Variants in CFAP47 observed in about 807,000 individuals in gnomAD.
CFAP47 encodes the protein cilia- and flagella-associated protein 47.
Under a neutral mutation model 148.1 loss-of-function variants are expected in CFAP47, and 29 were observed. That is an observed-to-expected ratio of 0.20 (90% CI 0.15 to 0.27). The LOEUF (loss-of-function observed/expected upper bound fraction) is 0.27, where lower values mean the gene tolerates loss of function less well. CFAP47 is among the 10% of genes least tolerant of loss of function. CFAP47 has a pLI of 1.00. For synonymous variants in CFAP47, 664 were observed against 577.3 expected, an observed-to-expected ratio of 1.15 and a Z score of -2.15; for missense variants, 1,872 against 1,697.5, an observed-to-expected ratio of 1.10 and a Z score of -1.81.
intron 27 of CFAP47, among the ~76,000 whole-genome samples, chrX:36,068,100 T>C (rs1259734691): frequency 8.9e-6 from 1 of 112,373 alleles, no homozygotes; most frequent in Non-Finnish European, 1.9e-5. Context: ...TTTTTCCCTT[T>C]ATGCTCAAGC....
intron 46 of CFAP47, among the ~76,000 whole-genome samples, chrX:36,235,259 G>A (rs182264084): frequency 0.044 from 4,883 of 111,832 alleles, 307 homozygotes; most frequent in African/African-American, 0.15. Context: ...CTTGAGCTGC[G>A]GTGGGCTCCA....
intron 45 of CFAP47, among the ~76,000 whole-genome samples, chrX:36,222,215 C>T (rs1411040519): frequency 7.2e-5 from 8 of 111,677 alleles, no homozygotes; most frequent in South Asian, 3.7e-4. Flanking sequence ...GAGGTTGGTC[C>T]GGCAGAAAGG....
intron 45 of CFAP47, among the ~76,000 whole-genome samples, chrX:36,215,141 C>T (rs954981440): frequency 9.0e-6 from 1 of 111,179 alleles, no homozygotes; most frequent in Non-Finnish European, 1.9e-5. Flanking sequence ...TTCTTCATCT[C>T]CATTATAATC....
At chrX:36,271,080 G>A (rs1157716744) in intron 49 of CFAP47, among the ~76,000 whole-genome samples, 1 of 110,908 alleles carries the variant, frequency 9.0e-6, no homozygotes, top group Non-Finnish European at 1.9e-5. Flanking sequence ...TAAAATGAAG[G>A]GTGGAAAAAA....
intron 33 of CFAP47, among the ~76,000 whole-genome samples, chrX:36,121,656 A>G (rs192573903): frequency 9.0e-6 from 1 of 111,410 alleles, no homozygotes; most frequent in Non-Finnish European, 1.9e-5. Context: ...GAAAGCCCTT[A>G]AGAACTCTAT....
intron 39 of CFAP47, among the ~76,000 whole-genome samples, chrX:36,171,769 T>A (rs766783904): frequency 8.0e-5 from 9 of 111,845 alleles, no homozygotes; most frequent in African/African-American, 2.6e-4. Flanking sequence ...CAGGATTGAC[T>A]TGGCGATGCG....
In CFAP47 at chrX:36,131,660, A is replaced by G. The variant is rs189897534; in HGVS notation, c.5321-6298A>G. On this transcript the variant is annotated intron_variant, in intron 33 of 63. Coordinates refer to ENST00000378653, the MANE Select transcript of CFAP47 (RefSeq NM_001304548.2). ...TGGTATATTCCCAAAGTGGAATGTT[A>G]TTCAGCAATAAAAAGAAATGAAATA... is the stretch of plus-strand genomic sequence containing the variant. Among the ~76,000 whole-genome samples, 4 of 112,008 alleles carry G rather than the reference A, an allele frequency of 3.6e-5. No homozygotes were observed. In the East Asian group the frequency reaches 8.4e-4, roughly 24 times the overall value.
At chrX:36,189,303 A>C (rs6629051) in intron 41 of CFAP47, among the ~76,000 whole-genome samples, 11,190 of 110,558 alleles carry the variant, frequency 0.1, 561 homozygotes, top group East Asian at 0.26. Flanking sequence ...TTCTTCACTC[A>C]CATGTCTGGC....
At chrX:36,333,317 A>G (rs1312001109) in intron 57 of CFAP47, among the ~76,000 whole-genome samples, 1 of 110,359 alleles carries the variant, frequency 9.1e-6, no homozygotes, top group Non-Finnish European at 1.9e-5. Flanking sequence ...AATACCCTCT[A>G]TTCTCTACAT....
At chrX:36,076,791 C>G (rs1319342248) in intron 29 of CFAP47, among the ~76,000 whole-genome samples, 1 of 111,248 alleles carries the variant, frequency 9.0e-6, no homozygotes, top group East Asian at 2.8e-4. Flanking sequence ...ATTTTGAGGA[C>G]TTAGACATAA....
intron 26 of CFAP47, among the ~76,000 whole-genome samples, chrX:36,060,006 A>G (rs1392397472): frequency 9.0e-6 from 1 of 110,943 alleles, no homozygotes; most frequent in East Asian, 2.9e-4. Context: ...ATCTGTACAC[A>G]CTGGCTCTTC....
At position 36,046,924 on chromosome X, in the gene CFAP47, G is replaced by A. The variant is rs1294860353; in HGVS notation, c.4078G>A (p.Val1360Met). Residue 1360 changes from valine to methionine, a missense_variant, in exon 26 of 64, where the codon GTG becomes ATG. Physicochemically the swap from Val to Met is conservative, Grantham distance 21. Coordinates refer to ENST00000378653, the MANE Select transcript of CFAP47 (RefSeq NM_001304548.2). ...LDGEEIHPLSVKFPKGRVIPG... is the reference protein window; with the variant it reads ...LDGEEIHPLSMKFPKGRVIPG... ...TGGTGAAGAGATTCACCCTCTTTCT[G>A]TGAAATTTCCAAAAGGCAGAGTCAT... 8.6e-7 allele frequency: 1 copy of A among 1,164,552 alleles called. No individual in the cohort carries two copies. Among genetic ancestry groups the A allele is most frequent in the South Asian group, 1.9e-5 (1 of 52,639 alleles).
intron 57 of CFAP47, among the ~76,000 whole-genome samples, chrX:36,319,750 C>T (rs1408510291): frequency 2.7e-5 from 3 of 110,833 alleles, no homozygotes; most frequent in South Asian, 3.8e-4. Context: ...TGTTTTACTG[C>T]GAATTTATTA....
intron 33 of CFAP47, among the ~76,000 whole-genome samples, chrX:36,128,123 A>T (rs1279429125): frequency 9.0e-6 from 1 of 110,972 alleles, no homozygotes; most frequent in East Asian, 2.8e-4. Context: ...AGAACTTCCA[A>T]TACTATGTTG....
At chrX:36,364,955 C>A (rs1475689353) in intron 61 of CFAP47, among the ~76,000 whole-genome samples, 2 of 89,627 alleles carry the variant, frequency 2.2e-5, no homozygotes, top group Admixed American at 2.6e-4. Context: ...CACACACACA[C>A]ATATTCATTT....
intron 1 of CFAP47, among the ~76,000 whole-genome samples, chrX:35,920,565 A>C (rs1356992001): frequency 7.2e-5 from 8 of 111,792 alleles, no homozygotes; most frequent in African/African-American, 2.6e-4. Flanking sequence ...TAGAACTTAG[A>C]AACTAATGAG....
intron 33 of CFAP47, among the ~76,000 whole-genome samples, chrX:36,137,558 C>T (rs1357237716): frequency 9.0e-6 from 1 of 110,904 alleles, no homozygotes; most frequent in African/African-American, 3.3e-5. Flanking sequence ...AATAAAGAAA[C>T]TGGCACTAGC....
intron 44 of CFAP47, among the ~76,000 whole-genome samples, chrX:36,202,277 G>T (rs1268862225): frequency 9.0e-6 from 1 of 111,284 alleles, no homozygotes; most frequent in Non-Finnish European, 1.9e-5. Context: ...TGTTGTAAAC[G>T]CAAGCCTGCT....
At chrX:36,244,326 C>G (rs1488064927) in intron 48 of CFAP47, among the ~76,000 whole-genome samples, 1 of 110,401 alleles carries the variant, frequency 9.1e-6, no homozygotes, top group East Asian at 2.8e-4. Context: ...CCCAGTGAAA[C>G]TAGAAAAAAA....
Sources: gnomAD v4.1 joint callset for allele counts (sites outside exome capture counted in the v4.1 genomes callset) on GRCh38, gnomAD v4.1.1 for gene constraint, MANE v1.5 for transcripts, NCBI Gene and HGNC (gene_info 2026-07-23, HGNC 2026-07-21) for gene names.